Variants in AHDC1 observed in about 807,000 individuals in gnomAD.
The protein encoded by AHDC1 is transcription factor Gibbin.
AHDC1 carries 7 observed loss-of-function variants against 87.9 expected under a neutral mutation model. The observed-to-expected ratio is 0.08, with a 90% CI of 0.05 to 0.15. The LOEUF (loss-of-function observed/expected upper bound fraction) is 0.15. Among genes scored for constraint, AHDC1 ranks in the 10% least tolerant of loss-of-function variants. The probability of loss-of-function intolerance (pLI) is 1.00; values close to 1 mark genes in which losing one functional copy is unlikely to be tolerated. For synonymous variants in AHDC1, 1,051 were observed against 1,006.8 expected, an observed-to-expected ratio of 1.04 and a Z score of -0.83; for missense variants, 1,841 against 2,253.2, an observed-to-expected ratio of 0.82 and a Z score of 3.70.
chr1:27,572,906 C>T (rs550468875), intron 3 of AHDC1, among the ~76,000 whole-genome samples: 7 of 152,332 alleles, frequency 4.6e-5, no homozygotes, highest in East Asian at 1.9e-4. Flanking sequence ...CCCTGGAGGC[C>T]GACTGGTCAC....
At chr1:27,568,588 G>A (rs957328464) in intron 3 of AHDC1, among the ~76,000 whole-genome samples, 1 of 152,096 alleles carries the variant, frequency 6.6e-6, no homozygotes, top group Non-Finnish European at 1.5e-5. Flanking sequence ...GTGCCCGCGA[G>A]GGGGCGGGCC....
chr1:27,549,608 G>A lies in AHDC1; in HGVS notation c.2508C>T (p.Phe836=). The change falls in exon 8 of 9, where the codon TTC becomes TTT. Residue 836 remains phenylalanine (F), a synonymous_variant. Transcript: ENST00000673934. ...TELSQERQNL[F]TGYFRSLLDS... ...CGAGCAGCGAGCGAAAGTAGCCGGT[G>A]AAGAGGTTTTGGCGCTCCTGGCTGA... is the stretch of plus-strand genomic sequence containing the variant. 1.2e-6 allele frequency: 2 copies of A among 1,613,212 alleles called. No homozygotes were observed. The highest frequency in any genetic ancestry group is 2.2e-5 in the East Asian group (1 of 44,888).
At position 27,547,399 on chromosome 1, in the gene AHDC1, C is replaced by G; in HGVS notation, c.4717G>C (p.Ala1573Pro). The G allele has an allele frequency of 6.4e-7, 1 of 1,569,806 alleles. No individual in the cohort carries two copies. The highest frequency in any genetic ancestry group is 1.2e-5 in the South Asian group (1 of 85,548). ...AYRYPGFMPQ[A>P]HPGLGGGPKS... Reference sequence around the variant, plus strand: ...GGGCCCCCACCCAGGCCAGGATGCGCCTGGGGCATAAAGCCTGGGTACCTG... The same window carrying G: ...GGGCCCCCACCCAGGCCAGGATGCGGCTGGGGCATAAAGCCTGGGTACCTG... The change falls in exon 8 of 9, where the codon GCG (alanine) becomes CCG (proline). Residue 1573 changes from alanine (A) to proline (P), a missense_variant. Coordinates refer to ENST00000673934, the MANE Select transcript of AHDC1 (RefSeq NM_001371928.1). The surrounding 1 kb of genome is among the most constrained non-coding windows in gnomAD (Gnocchi z 4.9).
At chr1:27,543,142 AC>A in intron 8 of AHDC1, among the ~76,000 whole-genome samples, 1 of 152,304 alleles carries the variant, frequency 6.6e-6, no homozygotes, top group South Asian at 2.1e-4. Flanking sequence ...TAGCCGCGTA[AC>A]CTTGGAGGAC....
At chr1:27,555,714 C>A (rs115826016) in intron 5 of AHDC1, among the ~76,000 whole-genome samples, 1,592 of 152,316 alleles carry the variant, frequency 0.01, 23 homozygotes, top group African/African-American at 0.036. Flanking sequence ...CAGAAGCCCC[C>A]TCCCTCCCTC....
intron 3 of AHDC1, among the ~76,000 whole-genome samples, chr1:27,575,443 C>G (rs892050598): frequency 2.0e-5 from 3 of 152,246 alleles, no homozygotes; most frequent in Non-Finnish European, 4.4e-5. Context: ...CTCCCGCAGT[C>G]TGGGGCCGGG....
At chr1:27,587,072 T>C (rs914302416) in intron 3 of AHDC1, among the ~76,000 whole-genome samples, 1 of 152,130 alleles carries the variant, frequency 6.6e-6, no homozygotes, top group African/African-American at 2.4e-5. Flanking sequence ...AGGCCCAGAA[T>C]CCCAAGCCAG....
rs1267215268 is a variant in AHDC1, at chr1:27,560,169, T to C, written c.-628-1286A>G. ...GTGTCTTCAGTCATACATGTGGGTA[T>C]GTGCACTTTTCACGTTTATTTCTAT... On this transcript the variant is annotated intron_variant, in intron 3 of 8. Transcript: ENST00000673934. The surrounding 1 kb of genome is among the most constrained non-coding windows in gnomAD (Gnocchi z 4.1). Among the ~76,000 whole-genome samples the C allele has an allele frequency of 1.3e-5, 2 of 151,390 alleles. No individual in the cohort carries two copies. The highest frequency in any genetic ancestry group is 2.4e-5 in the African/African-American group (1 of 41,120).
In AHDC1 at chr1:27,548,762, G is replaced by A; in HGVS notation, c.3354C>T (p.Asp1118=). 1 of 1,613,234 alleles carries A rather than the reference G, an allele frequency of 6.2e-7. No homozygotes were observed. Among genetic ancestry groups the A allele is most frequent in the Non-Finnish European group, 8.5e-7 (1 of 1,180,042 alleles). The part of the protein sequence containing the change: ...WPFRQGYGGL[D]WASEAFSQLY... ...GCTGACTAAAGGCCTCTGAGGCCCA[G>A]TCCAGGCCTCCATAGCCCTGCCGGA... is the stretch of plus-strand genomic sequence containing the variant. Residue 1118 remains aspartate, a synonymous_variant, in exon 8 of 9, where the codon GAC becomes GAT. Coordinates refer to ENST00000673934, the MANE Select transcript of AHDC1 (RefSeq NM_001371928.1).
chr1:27,566,927 G>A (rs534169942), intron 3 of AHDC1, among the ~76,000 whole-genome samples: 1 of 152,160 alleles, frequency 6.6e-6, no homozygotes, highest in Admixed American at 6.5e-5. Flanking sequence ...GTAGGGGGCT[G>A]AGGCAGAAAG....
At position 27,560,527 on chromosome 1, in the gene AHDC1, C is replaced by T. The variant is rs563048976; in HGVS notation, c.-628-1644G>A. Among the ~76,000 whole-genome samples, 248 of 152,200 alleles carry T rather than the reference C, an allele frequency of 1.6e-3. 3 individuals carry two copies. Among genetic ancestry groups the T allele is most frequent in the African/African-American group, 5.6e-3 (233 of 41,508 alleles). On this transcript the variant is annotated intron_variant, in intron 3 of 8. Coordinates refer to ENST00000673934, the MANE Select transcript of AHDC1 (RefSeq NM_001371928.1). The surrounding 1 kb of genome is among the most constrained non-coding windows in gnomAD (Gnocchi z 4.1). ...CTGTGGATCAGTGTTGCCTCCCTCCCACCTCTGCCTTTCTCTGGGTTTTCA... is the reference window on the plus strand; with the variant it reads ...CTGTGGATCAGTGTTGCCTCCCTCCTACCTCTGCCTTTCTCTGGGTTTTCA...
chr1:27,551,171 C>T lies in AHDC1; in HGVS notation c.945G>A (p.Gln315=), dbSNP rs2019535439. The T allele has an allele frequency of 6.2e-7, 1 of 1,609,334 alleles. No homozygotes were observed. The part of the protein sequence containing the change: ...DPLGLPGLAL[Q]ALDTLPDSLE... Reference sequence around the variant, plus strand: ...AGGAGTCAGGCAGGGTGTCCAGGGCCTGGAGAGCCAGGCCCGGCAGCCCCA... The same window carrying T: ...AGGAGTCAGGCAGGGTGTCCAGGGCTTGGAGAGCCAGGCCCGGCAGCCCCA... Residue 315 remains glutamine (Q), a synonymous_variant, in exon 8 of 9, where the codon CAG becomes CAA. Transcript: ENST00000673934.
At position 27,550,719 on chromosome 1, in the gene AHDC1, C is replaced by G. The variant is rs1198051525; in HGVS notation, c.1397G>C (p.Gly466Ala). The change falls in exon 8 of 9, where the codon GGC becomes GCC. Residue 466 changes from glycine to alanine, a missense_variant. Gly to Ala is a moderately conservative substitution (Grantham distance 60, BLOSUM62 0). This residue lies in a region of AHDC1 where 370 missense variants were observed against 391.5 expected (regional missense o/e 0.95). Transcript: ENST00000673934. ...SQTPVVSTRK[G>A]KCRGVRRMVV... ...CATGCGCCGCACGCCCCGGCACTTGCCTTTGCGGGTAGAGACCACTGGGGT... is the reference window on the plus strand; with the variant it reads ...CATGCGCCGCACGCCCCGGCACTTGGCTTTGCGGGTAGAGACCACTGGGGT... 2.5e-6 allele frequency: 4 copies of G among 1,602,702 alleles called. No homozygotes were observed. The highest frequency in any genetic ancestry group is 3.4e-6 in the Non-Finnish European group (4 of 1,175,092).
At chr1:27,574,073 A>T (rs74063746) in intron 3 of AHDC1, among the ~76,000 whole-genome samples, 2,012 of 152,270 alleles carry the variant, frequency 0.013, 35 homozygotes, top group African/African-American at 0.047. Context: ...TCTGAATTTG[A>T]ATCTGGGTAT....
chr1:27,574,993 C>T (rs2088670292), intron 3 of AHDC1, among the ~76,000 whole-genome samples: 1 of 152,218 alleles, frequency 6.6e-6, no homozygotes. Context: ...CAGGATTTTC[C>T]CAGCACATCT....
At chr1:27,559,208 T>C (rs1024870459) in intron 3 of AHDC1, among the ~76,000 whole-genome samples, 13 of 151,678 alleles carry the variant, frequency 8.6e-5, no homozygotes, top group Admixed American at 7.2e-4. Context: ...TGCACCACCA[T>C]GCCTGGCTAT....
intron 3 of AHDC1, among the ~76,000 whole-genome samples, chr1:27,575,924 G>A: frequency 6.6e-6 from 1 of 152,098 alleles, no homozygotes; most frequent in South Asian, 2.1e-4. Context: ...GCGGGGGGAG[G>A]GGAGGGCCGT....
rs545071283 is a variant in AHDC1 at position 27,593,939 on chromosome 1, G to C, written c.-629+9458C>G. Among the ~76,000 whole-genome samples, 23 of 152,322 alleles carry C rather than the reference G, an allele frequency of 1.5e-4. 1 individual carries two copies. The Middle Eastern group carries it at 0.01, about 68-fold the overall frequency. Reference sequence around the variant, plus strand: ...CTTTAGGGTCTTGGGGATCAGTGGAGCCCTTCTGTGAGCCTTCCCTCAGCA... The same window carrying C: ...CTTTAGGGTCTTGGGGATCAGTGGACCCCTTCTGTGAGCCTTCCCTCAGCA... On this transcript the variant is annotated intron_variant, in intron 3 of 8. Transcript: ENST00000673934. The surrounding 1 kb of genome is among the most constrained non-coding windows in gnomAD (Gnocchi z 4.9).
rs564865028 is a variant in AHDC1 at position 27,565,565 on chromosome 1, C to T, written c.-628-6682G>A. On this transcript the variant is annotated intron_variant, in intron 3 of 8. Coordinates refer to ENST00000673934, the MANE Select transcript of AHDC1 (RefSeq NM_001371928.1). The surrounding 1 kb of genome is among the most constrained non-coding windows in gnomAD (Gnocchi z 4.6). ...AAACATTCTGTCTGGTGTCCCCCGG[C>T]GCTGGTGAGCAAGGGGCGGGAGTCA... 5.9e-5 allele frequency among the ~76,000 whole-genome samples: 9 copies of T among 152,264 alleles called. No individual in the cohort carries two copies. In the South Asian group the frequency reaches 6.2e-4, roughly 11 times the overall value.
Sources: gnomAD v4.1 joint callset for allele counts (sites outside exome capture counted in the v4.1 genomes callset) on GRCh38, gnomAD v4.1.1 for gene constraint, gnomAD v4.1.1 regional missense constraint, Gnocchi (gnomAD v3.1) non-coding constraint, MANE v1.5 for transcripts, NCBI Gene and HGNC (gene_info 2026-07-23, HGNC 2026-07-21) for gene names.